KATNAL1: variants seen among roughly 807,000 people sequenced by gnomAD.
The protein encoded by KATNAL1 is katanin p60 ATPase-containing subunit A-like 1.
A neutral mutation model predicts 55.2 loss-of-function variants in KATNAL1; 32 were observed. That is an observed-to-expected ratio of 0.58 (90% CI 0.44 to 0.78). KATNAL1 has a LOEUF of 0.78. Ranked by LOEUF, KATNAL1 falls within the 30% of genes least tolerant of loss-of-function variation. KATNAL1 has a pLI of 0.00. For missense variants in KATNAL1, 466 were observed against 600.9 expected (o/e 0.78, Z 2.35); for synonymous variants, 193 against 193.6 (o/e 1.00, Z 0.02).
At chr13:30,270,333 C>T (rs1400997664) in intron 3 of KATNAL1, among the ~76,000 whole-genome samples, 6 of 148,696 alleles carry the variant, frequency 4.0e-5, no homozygotes, top group East Asian at 2.1e-4. Context: ...AGCCGCCCCA[C>T]CCGGGAGGTG....
chr13:30,282,882 G>A (rs1198524421), intron 2 of KATNAL1, among the ~76,000 whole-genome samples: 3 of 150,128 alleles, frequency 2.0e-5, no homozygotes, highest in South Asian at 2.1e-4. Flanking sequence ...GTGAACCCGG[G>A]AGGTGGAGCT....
chr13:30,218,145 T>C (rs1874481526), intron 9 of KATNAL1, among the ~76,000 whole-genome samples: 1 of 150,844 alleles, frequency 6.6e-6, no homozygotes, highest in Admixed American at 6.6e-5. Flanking sequence ...TACAATAAAA[T>C]ACTGATAGAT....
At position 30,246,381 on chromosome 13, in the gene KATNAL1, AC is replaced by A. The variant is rs565662926; in HGVS notation, c.493-5296del. On this transcript the variant is annotated intron_variant, in intron 4 of 10. Transcript: ENST00000380615. ...ACTGGACCCCTTCCTTACACCTTAT[AC>A]CAAAATTAACTCAAGATGGATTTAA... Among the ~76,000 whole-genome samples, 108 of 152,348 alleles carry A rather than the reference AC, an allele frequency of 7.1e-4. 1 individual carries two copies. The highest frequency in any genetic ancestry group is 2.5e-3 in the African/African-American group (106 of 41,592).
At chr13:30,264,979 T>C (rs1317310692) in intron 3 of KATNAL1, among the ~76,000 whole-genome samples, 1 of 147,508 alleles carries the variant, frequency 6.8e-6, no homozygotes, top group Non-Finnish European at 1.5e-5. Context: ...AACCCAAATG[T>C]CCAACAATGA....
chr13:30,227,968 C>CA (rs1875680892), intron 8 of KATNAL1, among the ~76,000 whole-genome samples: 4 of 152,144 alleles, frequency 2.6e-5, no homozygotes, highest in Admixed American at 2.6e-4. Context: ...GAAGTGAAAA[C>CA]AGAGGGTTCA....
intron 3 of KATNAL1, among the ~76,000 whole-genome samples, chr13:30,272,110 A>C (rs1180835240): frequency 6.6e-6 from 1 of 152,168 alleles, no homozygotes; most frequent in African/African-American, 2.4e-5. Flanking sequence ...TGTAATTAAG[A>C]AAAAAGGGGC....
At chr13:30,228,334 T>C (rs921790802) in intron 8 of KATNAL1, among the ~76,000 whole-genome samples, 1 of 152,188 alleles carries the variant, frequency 6.6e-6, no homozygotes, top group African/African-American at 2.4e-5. Flanking sequence ...CAGTATTTTT[T>C]AAAAAAACAA....
chr13:30,241,924 C>T (rs114078470), intron 4 of KATNAL1, among the ~76,000 whole-genome samples: 2,117 of 152,292 alleles, frequency 0.014, 43 homozygotes, highest in African/African-American at 0.048. Context: ...TAAATTATTT[C>T]TGGGCAGTAT....
chr13:30,295,735 TTAC>T lies in KATNAL1; in HGVS notation c.-15+11593_-15+11595del, dbSNP rs557908577. On this transcript the variant is annotated intron_variant, in intron 1 of 10. Transcript: ENST00000380615. Reference sequence around the variant, plus strand: ...TTGAAATAACAATAAAGGATTTAGATTACTACATAATCCTAGTTGATAAAGCAG... The same window carrying T: ...TTGAAATAACAATAAAGGATTTAGATTACATAATCCTAGTTGATAAAGCAG... Among the ~76,000 whole-genome samples the T allele has an allele frequency of 1.5e-4, 23 of 152,336 alleles. No homozygotes were observed. In the East Asian group the frequency reaches 3.1e-3, roughly 20 times the overall value.
At chr13:30,230,715 C>A in intron 7 of KATNAL1, 121 bp from the exon 8 acceptor site, 1 of 706,466 alleles carries the variant, frequency 1.4e-6, no homozygotes. Context: ...TTAATGCCAT[C>A]ATCTGGTTAT....
At chr13:30,296,038 T>TA (rs34043407) in intron 1 of KATNAL1, 1,847 of 158,386 alleles carry the variant, frequency 0.012, no homozygotes, top group South Asian at 0.022. Flanking sequence ...ATGCCAATTC[T>TA]AAAAAAAAAA....
At chr13:30,271,882 A>AAC (rs1334077566) in intron 3 of KATNAL1, among the ~76,000 whole-genome samples, 1 of 149,538 alleles carries the variant, frequency 6.7e-6, no homozygotes, top group Non-Finnish European at 1.5e-5. Context: ...AAAGAGGAAA[A>AAC]AAAAAAAAAA....
At chr13:30,217,236 A>G (rs1874376357) in intron 9 of KATNAL1, among the ~76,000 whole-genome samples, 1 of 152,140 alleles carries the variant, frequency 6.6e-6, no homozygotes, top group Non-Finnish European at 1.5e-5. Flanking sequence ...GAGGATCATG[A>G]GGTCAGGAGA....
chr13:30,274,891 A>ACGCGCGCGCGCG (rs138328965), intron 3 of KATNAL1, among the ~76,000 whole-genome samples: 24 of 122,112 alleles, frequency 2.0e-4, no homozygotes, highest in Admixed American at 3.4e-4. Flanking sequence ...GCACACACAT[A>ACGCGCGCGCGCG]CGCGCGCGCG....
chr13:30,213,080 C>T (rs1873848481), intron 9 of KATNAL1, among the ~76,000 whole-genome samples: 1 of 152,218 alleles, frequency 6.6e-6, no homozygotes, highest in Admixed American at 6.5e-5. Flanking sequence ...ACACCTTGGT[C>T]TTGTACTTCT....
chr13:30,272,196 G>A (rs533366822), intron 3 of KATNAL1, among the ~76,000 whole-genome samples: 4 of 152,166 alleles, frequency 2.6e-5, no homozygotes, highest in South Asian at 2.1e-4. Context: ...TCAGGAGTTC[G>A]AGATCAGCCT....
At chr13:30,231,209 C>T (rs1876059655) in intron 7 of KATNAL1, 105 bp downstream of exon 7, 1 of 815,834 alleles carries the variant, frequency 1.2e-6, no homozygotes, top group African/African-American at 1.8e-5. Flanking sequence ...TAAAATAGAA[C>T]TACACTGCCC....
chr13:30,299,163 G>A (rs1434116787), intron 1 of KATNAL1, among the ~76,000 whole-genome samples: 1 of 152,060 alleles, frequency 6.6e-6, no homozygotes, highest in East Asian at 1.9e-4. Context: ...ACCTAGAATT[G>A]TATACCAAAC....
At chr13:30,218,142 A>C (rs892611463) in intron 9 of KATNAL1, among the ~76,000 whole-genome samples, 1 of 151,748 alleles carries the variant, frequency 6.6e-6, no homozygotes, top group Non-Finnish European at 1.5e-5. Flanking sequence ...AAATACAATA[A>C]AATACTGATA....
Sources: allele counts gnomAD v4.1 joint callset (sites outside exome capture counted in the v4.1 genomes callset), GRCh38; gene constraint gnomAD v4.1.1; transcripts MANE v1.5; gene names NCBI Gene and HGNC (gene_info 2026-07-23, HGNC 2026-07-21).